The following ASPH variants were observed in gnomAD, a reference collection of about 807,000 sequenced individuals.
ASPH encodes the protein aspartate beta-hydroxylase.
In ASPH, 100 loss-of-function variants were observed where a neutral mutation model predicts 118.4. That is an observed-to-expected ratio of 0.84 (90% CI 0.72 to 1.00). The LOEUF is 1.00. Among genes scored for constraint, ASPH ranks in the 50% least tolerant of loss-of-function variants. ASPH has a pLI of 0.00. For synonymous variants in ASPH, 315 were observed against 325.6 expected (o/e 0.97, Z 0.35); for missense variants, 920 against 919.5 (o/e 1.00, Z -0.01).
intron 3 of ASPH, chr8:61,675,521 T>C (rs916399653): frequency 5.4e-5 from 53 of 980,948 alleles, no homozygotes; most frequent in East Asian, 3.4e-4. Context: ...GAATTTTACA[T>C]AGAAATTTGT....
chr8:61,651,389 T>C (rs190686471), intron 4 of ASPH: 1 of 320,552 alleles, frequency 3.1e-6, no homozygotes, highest in East Asian at 5.1e-5. Context: ...CTCAGATTTG[T>C]ATTTAAAAAA....
intron 21 of ASPH, 144 bp downstream of exon 21, chr8:61,547,927 A>G (rs1477433420): frequency 3.3e-6 from 4 of 1,214,212 alleles, no homozygotes; most frequent in Non-Finnish European, 4.5e-6. Context: ...TGAGATGACA[A>G]TTCTTTTTCC....
intron 3 of ASPH, chr8:61,675,371 T>C: frequency 3.1e-6 from 3 of 972,838 alleles, no homozygotes; most frequent in Non-Finnish European, 3.7e-6. Flanking sequence ...TGGATGTATA[T>C]TTGGAAATAA....
intron 3 of ASPH, among the ~76,000 whole-genome samples, chr8:61,671,388 C>T (rs1192178239): frequency 6.6e-6 from 1 of 152,100 alleles, no homozygotes; most frequent in Non-Finnish European, 1.5e-5. Context: ...TTCATGACAA[C>T]ACAAAGGCTC....
intron 13 of ASPH, among the ~76,000 whole-genome samples, chr8:61,630,415 C>A (rs922998274): frequency 2.0e-5 from 3 of 151,938 alleles, no homozygotes; most frequent in East Asian, 1.9e-4. Context: ...ATGAAGATTG[C>A]ACAAGTGAAT....
chr8:61,646,791 T>C lies in ASPH; in HGVS notation c.578A>G (p.Asp193Gly). The change falls in exon 6 of 25, where the codon GAT (aspartate) becomes GGT (glycine). Residue 193 changes from aspartate to glycine, a missense_variant. Asp to Gly is a moderately conservative substitution (Grantham distance 94, BLOSUM62 -1). Transcript: ENST00000379454. Reference sequence around the variant, plus strand: ...AGGTTCCAGGGTCTCAAATCTATCATCTACATCAGTCGCCATAAGAAACTC... The same window carrying C: ...AGGTTCCAGGGTCTCAAATCTATCACCTACATCAGTCGCCATAAGAAACTC... ...DDEFLMATDV[D>G]DRFETLEPEV... 6.2e-7 allele frequency: 1 copy of C among 1,614,032 alleles called. No homozygotes were observed. The highest frequency in any genetic ancestry group is 8.5e-7 in the Non-Finnish European group (1 of 1,179,910).
chr8:61,524,909 T>TG (rs1192294224), intron 22 of ASPH, among the ~76,000 whole-genome samples: 7 of 152,310 alleles, frequency 4.6e-5, no homozygotes, highest in East Asian at 3.9e-4. Context: ...GCCAATAGAA[T>TG]GGACTCATCT....
At chr8:61,529,545 G>A (rs1312630573) in intron 21 of ASPH, among the ~76,000 whole-genome samples, 1 of 152,200 alleles carries the variant, frequency 6.6e-6, no homozygotes, top group East Asian at 1.9e-4. Flanking sequence ...GGGGAAATCC[G>A]GGATGGGACC....
At chr8:61,677,530 T>C (rs992416012) in intron 3 of ASPH, among the ~76,000 whole-genome samples, 17 of 152,192 alleles carry the variant, frequency 1.1e-4, no homozygotes, top group Non-Finnish European at 2.5e-4. Flanking sequence ...CGACAACTAA[T>C]TTAAAAGTTT....
intron 21 of ASPH, among the ~76,000 whole-genome samples, chr8:61,546,053 G>A (rs891440582): frequency 6.6e-6 from 1 of 152,152 alleles, no homozygotes; most frequent in Non-Finnish European, 1.5e-5. Context: ...CCCACCAATA[G>A]AAGAGGGTCT....
chr8:61,660,236 T>A (rs994292532), intron 3 of ASPH: 9 of 152,156 alleles, frequency 5.9e-5, no homozygotes, highest in African/African-American at 2.2e-4. Flanking sequence ...CAGCTTCTTA[T>A]TTTGAAATAC....
chr8:61,576,862 T>C lies in ASPH; in HGVS notation c.1063-4A>G. The C allele has an allele frequency of 6.3e-7, 1 of 1,599,094 alleles. No individual in the cohort carries two copies. Among genetic ancestry groups the C allele is most frequent in the Non-Finnish European group, 8.5e-7 (1 of 1,170,664 alleles). ...TCACTGCTTCCTCAATTTTTCCCTG[T>C]TAGAAAGACAAAATTACATAAATAA... On this transcript the variant is annotated splice_polypyrimidine_tract_variant and splice_region_variant and intron_variant, in intron 15 of 24. Coordinates refer to ENST00000379454, the MANE Select transcript of ASPH (RefSeq NM_004318.4).
At chr8:61,540,037 G>A (rs1434541720) in intron 21 of ASPH, among the ~76,000 whole-genome samples, 1 of 152,098 alleles carries the variant, frequency 6.6e-6, no homozygotes, top group Non-Finnish European at 1.5e-5. Context: ...TGCTTTGATA[G>A]TTGTGATTTG....
chr8:61,625,986 A>G (rs996284305), intron 13 of ASPH: 5 of 1,180,438 alleles, frequency 4.2e-6, no homozygotes, highest in Non-Finnish European at 5.2e-6. Flanking sequence ...GGTAAGACTA[A>G]AAGCTGTCTC....
At chr8:61,611,012 A>G (rs376356025) in intron 14 of ASPH, among the ~76,000 whole-genome samples, 5 of 152,318 alleles carry the variant, frequency 3.3e-5, no homozygotes, top group East Asian at 1.9e-4. Context: ...TCTCATCTCA[A>G]TAAGATGAAT....
intron 18 of ASPH, among the ~76,000 whole-genome samples, chr8:61,557,457 C>T (rs1028917770): frequency 6.6e-6 from 1 of 152,318 alleles, no homozygotes; most frequent in East Asian, 1.9e-4. Context: ...TTCCGCCAGA[C>T]ATCCCCACAG....
chr8:61,523,219 C>T (rs1324998570), intron 22 of ASPH, among the ~76,000 whole-genome samples: 1 of 152,094 alleles, frequency 6.6e-6, no homozygotes, highest in African/African-American at 2.4e-5. Context: ...GAATTCTTCT[C>T]CTCTATTTCT....
intron 22 of ASPH, among the ~76,000 whole-genome samples, chr8:61,519,610 T>A (rs931907729): frequency 6.6e-6 from 1 of 152,182 alleles, no homozygotes; most frequent in African/African-American, 2.4e-5. Flanking sequence ...TCAGCTCACA[T>A]TAAAATAGGG....
At chr8:61,633,534 T>A in intron 13 of ASPH, 149 bp downstream of exon 13, 1 of 621,524 alleles carries the variant, frequency 1.6e-6, no homozygotes, top group Non-Finnish European at 2.7e-6. Context: ...TTGGTTGAAC[T>A]GATCAAAACA....
Sources: gnomAD v4.1 joint callset for allele counts (sites outside exome capture counted in the v4.1 genomes callset) on GRCh38, gnomAD v4.1.1 for gene constraint, MANE v1.5 for transcripts, NCBI Gene and HGNC (gene_info 2026-07-23, HGNC 2026-07-21) for gene names.